Variants in WWOX observed in about 807,000 individuals in gnomAD.
The protein encoded by WWOX is WW domain-containing oxidoreductase.
In WWOX, 69 loss-of-function variants were observed where a neutral mutation model predicts 46.2. That is an observed-to-expected ratio of 1.49 (90% CI 1.23 to 1.82). WWOX has a LOEUF of 1.82. Among genes scored for constraint, WWOX ranks in the 40% most tolerant of loss-of-function variants. The pLI is 0.00. For synonymous variants in WWOX, 359 were observed against 202.6 expected (o/e 1.77, Z -6.56); for missense variants, 919 against 542.6 (o/e 1.69, Z -6.89).
chr16:78,320,241 G>A (rs576253801), intron 5 of WWOX, among the ~76,000 whole-genome samples: 52 of 152,260 alleles, frequency 3.4e-4, no homozygotes, highest in African/African-American at 1.3e-3. Flanking sequence ...TTTTCTCTGG[G>A]TTTTTAAGTG....
intron 8 of WWOX, among the ~76,000 whole-genome samples, chr16:78,824,283 G>C (rs1213607803): frequency 1.3e-5 from 2 of 152,118 alleles, no homozygotes; most frequent in Non-Finnish European, 2.9e-5. Flanking sequence ...ACAATAAACT[G>C]ACCAATGATG....
At chr16:78,871,846 G>A (rs1030116990) in intron 8 of WWOX, among the ~76,000 whole-genome samples, 24 of 152,012 alleles carry the variant, frequency 1.6e-4, no homozygotes, top group African/African-American at 5.6e-4. Context: ...CAAGTGATCC[G>A]CCCACCTTGG....
chr16:78,935,197 G>C (rs957563251), intron 8 of WWOX, among the ~76,000 whole-genome samples: 1 of 152,148 alleles, frequency 6.6e-6, no homozygotes, highest in Non-Finnish European at 1.5e-5. Flanking sequence ...ACATTGTGGC[G>C]ATTCCTCAAG....
At chr16:78,259,327 T>A (rs570197017) in intron 5 of WWOX, among the ~76,000 whole-genome samples, 2 of 152,346 alleles carry the variant, frequency 1.3e-5, no homozygotes, top group East Asian at 3.9e-4. Flanking sequence ...CATTTTATTT[T>A]TATTTATATT....
At chr16:78,971,948 G>A (rs374624426) in intron 8 of WWOX, among the ~76,000 whole-genome samples, 51 of 152,280 alleles carry the variant, frequency 3.3e-4, no homozygotes, top group African/African-American at 1.2e-3. Flanking sequence ...AGCCTCAGGC[G>A]CACACTCGGG....
chr16:78,641,643 C>T (rs1225618008), intron 8 of WWOX, among the ~76,000 whole-genome samples: 2 of 152,132 alleles, frequency 1.3e-5, no homozygotes. Flanking sequence ...TCGTGGTTAA[C>T]CCAAGCAAGA....
chr16:78,110,889 C>A (rs1472641832), intron 3 of WWOX, among the ~76,000 whole-genome samples: 1 of 152,182 alleles, frequency 6.6e-6, no homozygotes, highest in Non-Finnish European at 1.5e-5. Flanking sequence ...GTACTCTTGA[C>A]CACCGTAGTT....
intron 6 of WWOX, among the ~76,000 whole-genome samples, chr16:78,401,112 C>T (rs1334974076): frequency 6.6e-6 from 1 of 152,192 alleles, no homozygotes; most frequent in African/African-American, 2.4e-5. Flanking sequence ...GAGCCATGTC[C>T]AGCTGCCTTG....
At chr16:79,162,930 A>G (rs530947042) in intron 8 of WWOX, among the ~76,000 whole-genome samples, 4 of 152,130 alleles carry the variant, frequency 2.6e-5, no homozygotes, top group Non-Finnish European at 5.9e-5. Context: ...CATCTTTCCC[A>G]TCTCTGGGAA....
At chr16:78,182,018 C>G (rs2035546492) in intron 5 of WWOX, among the ~76,000 whole-genome samples, 1 of 152,176 alleles carries the variant, frequency 6.6e-6, no homozygotes, top group African/African-American at 2.4e-5. Flanking sequence ...CTAACGTCAT[C>G]AGTCTGAAAG....
chr16:78,812,846 T>C (rs1235469364), intron 8 of WWOX, among the ~76,000 whole-genome samples: 3 of 152,216 alleles, frequency 2.0e-5, no homozygotes, highest in African/African-American at 7.2e-5. Flanking sequence ...ACTTTTTAAA[T>C]ATTTTCCCCT....
chr16:79,103,000 C>G (rs1434547806), intron 8 of WWOX, among the ~76,000 whole-genome samples: 2 of 152,114 alleles, frequency 1.3e-5, no homozygotes, highest in African/African-American at 2.4e-5. Context: ...CTCCTTTCTC[C>G]TCATCCTCTT....
intron 5 of WWOX, among the ~76,000 whole-genome samples, chr16:78,175,131 G>A (rs1238430056): frequency 6.6e-6 from 1 of 152,102 alleles, no homozygotes; most frequent in African/African-American, 2.4e-5. Context: ...CATGTCTTCA[G>A]TGTCAGTGCC....
intron 8 of WWOX, among the ~76,000 whole-genome samples, chr16:78,816,745 TG>T (rs2051340826): frequency 6.6e-6 from 1 of 152,072 alleles, no homozygotes; most frequent in Non-Finnish European, 1.5e-5. Flanking sequence ...GTGAAGAAAC[TG>T]GGGTTGGCTC....
At chr16:78,282,644 A>C (rs1029991306) in intron 5 of WWOX, among the ~76,000 whole-genome samples, 8 of 152,056 alleles carry the variant, frequency 5.3e-5, no homozygotes, top group Non-Finnish European at 7.4e-5. Flanking sequence ...TGGGAGGCCT[A>C]GGTGCGCAGA....
chr16:78,168,075 A>G (rs1039969492), intron 5 of WWOX: 16 of 152,294 alleles, frequency 1.1e-4, no homozygotes, highest in African/African-American at 3.9e-4. Flanking sequence ...GAGGCTCTCA[A>G]AATGATCCAA....
intron 6 of WWOX, among the ~76,000 whole-genome samples, chr16:78,406,730 G>A (rs1281714448): frequency 4.0e-5 from 6 of 151,690 alleles, no homozygotes; most frequent in South Asian, 2.1e-4. Flanking sequence ...GGGTTCAAGC[G>A]ATTCTCCTGC....
chr16:78,236,473 C>T (rs926765753), intron 5 of WWOX, among the ~76,000 whole-genome samples: 27 of 152,134 alleles, frequency 1.8e-4, no homozygotes, highest in African/African-American at 4.8e-5. Flanking sequence ...TTTGTCCTTT[C>T]CATGTCAGGG....
intron 8 of WWOX, among the ~76,000 whole-genome samples, chr16:78,824,707 T>C (rs906705580): frequency 5.9e-5 from 9 of 152,208 alleles, no homozygotes; most frequent in Admixed American, 4.6e-4. Context: ...GTGACACTTA[T>C]TCACTATCAC....
Sources: gnomAD v4.1 joint callset for allele counts (sites outside exome capture counted in the v4.1 genomes callset) on GRCh38, gnomAD v4.1.1 for gene constraint, MANE v1.5 for transcripts, NCBI Gene and HGNC (gene_info 2026-07-23, HGNC 2026-07-21) for gene names.